ATG5: variants seen among roughly 807,000 people sequenced by gnomAD.
The protein encoded by ATG5 is autophagy related 5, also known as autophagy protein 5.
Under a neutral mutation model 36.5 loss-of-function variants are expected in ATG5, and 14 were observed. The observed-to-expected ratio is 0.38, with a 90% CI of 0.25 to 0.60. ATG5 has a LOEUF of 0.60. ATG5 is among the 20% of genes least tolerant of loss of function. The pLI is 0.60. For missense variants in ATG5, 195 were observed against 326.7 expected (o/e 0.60, Z 3.11); for synonymous variants, 95 against 101.5 (o/e 0.94, Z 0.38).
At chr6:106,211,600 C>A (rs1339950933) in intron 6 of ATG5, among the ~76,000 whole-genome samples, 2 of 152,158 alleles carry the variant, frequency 1.3e-5, no homozygotes, top group African/African-American at 4.8e-5. Context: ...GTCCCAGCTA[C>A]TCAGGAGGCT....
rs544089741 is a variant in ATG5 at position 106,319,728 on chromosome 6, C to T, written c.-58-3462G>A. 1.1e-4 allele frequency among the ~76,000 whole-genome samples: 17 copies of T among 152,302 alleles called. No homozygotes were observed. The East Asian group carries it at 3.1e-3, about 28-fold the overall frequency. On this transcript the variant is annotated intron_variant, in intron 1 of 7. Coordinates refer to ENST00000369076, the MANE Select transcript of ATG5 (RefSeq NM_004849.4). ...ATCAATAGTATTTATTTGTACGTCT[C>T]CTCCAGCAGACTGTAATAGATTCCG...
At chr6:106,237,389 T>C (rs1777943924) in intron 6 of ATG5, among the ~76,000 whole-genome samples, 1 of 152,124 alleles carries the variant, frequency 6.6e-6, no homozygotes, top group South Asian at 2.1e-4. Flanking sequence ...TTCATCTTCT[T>C]GCAAAAAAGA....
chr6:106,188,953 G>C (rs1489323708), intron 7 of ATG5, among the ~76,000 whole-genome samples: 2 of 152,122 alleles, frequency 1.3e-5, no homozygotes, highest in Admixed American at 6.5e-5. Flanking sequence ...TTTAAACAGA[G>C]GGATTCTTAG....
rs756853831 is a variant in ATG5 at position 106,293,036 on chromosome 6, G to A, written c.307C>T (p.His103Tyr). 6.2e-7 allele frequency: 1 copy of A among 1,612,466 alleles called. No homozygotes were observed. Among genetic ancestry groups the A allele is most frequent in the African/African-American group, 1.3e-5 (1 of 74,874 alleles). ...SSALPWNITV[H>Y]FKSFPEKDLL... Reference sequence around the variant, plus strand: ...AATGCAATTTACTATACCTTAAAATGTACTGTGATGTTCCAAGGAAGAGCT... The same window carrying A: ...AATGCAATTTACTATACCTTAAAATATACTGTGATGTTCCAAGGAAGAGCT... Residue 103 changes from histidine to tyrosine, a missense_variant, in exon 4 of 8, where the codon CAT becomes TAT. His to Tyr is a moderately conservative substitution (Grantham distance 83, BLOSUM62 2). Transcript: ENST00000369076.
chr6:106,230,374 A>G (rs1777630420), intron 6 of ATG5, among the ~76,000 whole-genome samples: 1 of 152,194 alleles, frequency 6.6e-6, no homozygotes, highest in African/African-American at 2.4e-5. Context: ...TCAGGAACTC[A>G]GCCTAGCTCT....
In ATG5 at chr6:106,272,228, C is replaced by T. The variant is rs985959540; in HGVS notation, c.478+7433G>A. 3.3e-5 allele frequency among the ~76,000 whole-genome samples: 5 copies of T among 152,226 alleles called. No homozygotes were observed. In the East Asian group the frequency reaches 9.6e-4, roughly 29 times the overall value. On this transcript the variant is annotated intron_variant, in intron 5 of 7. Transcript: ENST00000369076. Reference sequence around the variant, plus strand: ...AATTCCCATTTGCTTCTTTCTAATTCATTAACCATACTGCAGCCAAAGGGA... The same window carrying T: ...AATTCCCATTTGCTTCTTTCTAATTTATTAACCATACTGCAGCCAAAGGGA...
intron 3 of ATG5, among the ~76,000 whole-genome samples, chr6:106,299,314 C>A (rs1160707952): frequency 1.3e-5 from 2 of 152,068 alleles, no homozygotes; most frequent in Admixed American, 1.3e-4. Context: ...AGTTGTTATA[C>A]CATATTGGAC....
chr6:106,220,932 T>C (rs1336663282), intron 6 of ATG5, among the ~76,000 whole-genome samples: 1 of 152,188 alleles, frequency 6.6e-6, no homozygotes, highest in Non-Finnish European at 1.5e-5. Flanking sequence ...AATGCACTAA[T>C]GACATAAAGA....
intron 6 of ATG5, among the ~76,000 whole-genome samples, chr6:106,242,973 C>T (rs1778186682): frequency 6.6e-6 from 1 of 152,200 alleles, no homozygotes; most frequent in African/African-American, 2.4e-5. Context: ...ACTGTCCTCA[C>T]TTTTCAAAAT....
chr6:106,322,994 T>A lies in ATG5; in HGVS notation c.-59+2532A>T, dbSNP rs191330176. On this transcript the variant is annotated intron_variant, in intron 1 of 7. Coordinates refer to ENST00000369076, the MANE Select transcript of ATG5 (RefSeq NM_004849.4). ...GAGTGCAGTGGCGCAATCTCGGCTC[T>A]CTGCAAGCTCTGCCTCCCGGGTTCA... 6.1e-4 allele frequency among the ~76,000 whole-genome samples: 92 copies of A among 151,822 alleles called. No individual in the cohort carries two copies. In the East Asian group the frequency reaches 7.3e-3, roughly 12 times the overall value.
chr6:106,268,466 G>A (rs560900930), intron 5 of ATG5, among the ~76,000 whole-genome samples: 1 of 152,240 alleles, frequency 6.6e-6, no homozygotes, highest in Non-Finnish European at 1.5e-5. Context: ...GGAACAGTGT[G>A]GCAATTCCTC....
intron 7 of ATG5, among the ~76,000 whole-genome samples, chr6:106,194,582 AG>A (rs1270320014): frequency 1.3e-5 from 2 of 150,978 alleles, no homozygotes; most frequent in Non-Finnish European, 3.0e-5. Context: ...CTTGGTGCCC[AG>A]GCTAGACTGC....
At chr6:106,218,462 T>C (rs755292888) in intron 6 of ATG5, among the ~76,000 whole-genome samples, 19 of 152,158 alleles carry the variant, frequency 1.2e-4, no homozygotes, top group Admixed American at 3.3e-4. Context: ...AACTATTCAA[T>C]TGTATGTGAT....
intron 6 of ATG5, among the ~76,000 whole-genome samples, chr6:106,207,041 T>C (rs556683085): frequency 1.3e-5 from 2 of 152,332 alleles, no homozygotes; most frequent in African/African-American, 2.4e-5. Context: ...TGCCACATAT[T>C]TGTAAATATG....
chr6:106,253,704 T>C (rs1435724127), intron 5 of ATG5, among the ~76,000 whole-genome samples: 1 of 152,202 alleles, frequency 6.6e-6, no homozygotes, highest in African/African-American at 2.4e-5. Flanking sequence ...AGAAAGCTCT[T>C]TTAAAGTATA....
At chr6:106,283,933 T>C (rs1178948706) in intron 4 of ATG5, among the ~76,000 whole-genome samples, 1 of 152,258 alleles carries the variant, frequency 6.6e-6, no homozygotes, top group African/African-American at 2.4e-5. Context: ...ATGCATTATA[T>C]AATGTGCAGT....
In ATG5 at chr6:106,261,025, TA is replaced by T. The variant is rs546748329; in HGVS notation, c.479-12782del. Among the ~76,000 whole-genome samples, 9 of 152,304 alleles carry T rather than the reference TA, an allele frequency of 5.9e-5. No homozygotes were observed. In the South Asian group the frequency reaches 1.9e-3, roughly 32 times the overall value. On this transcript the variant is annotated intron_variant, in intron 5 of 7. Coordinates refer to ENST00000369076, the MANE Select transcript of ATG5 (RefSeq NM_004849.4). ...CAGCATTAACTACTGATTGTTGAGTTAAAATGTGTATCTAGCCATCCATACC... is the reference window on the plus strand; with the variant it reads ...CAGCATTAACTACTGATTGTTGAGTTAAATGTGTATCTAGCCATCCATACC...
At chr6:106,304,668 G>A (rs1770363924) in intron 3 of ATG5, among the ~76,000 whole-genome samples, 1 of 152,188 alleles carries the variant, frequency 6.6e-6, no homozygotes. Flanking sequence ...CTGTGAGTTG[G>A]GGGAAGGAAG....
Position 106,248,169 on chromosome 6 carries a change from A to G in ATG5, c.554T>C (p.Ile185Thr). The G allele has an allele frequency of 6.2e-7, 1 of 1,607,402 alleles. No individual in the cohort carries two copies. The highest frequency in any genetic ancestry group is 8.5e-7 in the Non-Finnish European group (1 of 1,174,098). ...TCCTACCTGATATATTCTAAAGGGG[A>G]TATAACGAAATCCATTTTCTTCTGC... ...YPAEENGFRY[I>T]PFRIYQTTTE... Residue 185 changes from isoleucine (I) to threonine (T), a missense_variant, in exon 6 of 8, where the codon ATC becomes ACC. Coordinates refer to ENST00000369076, the MANE Select transcript of ATG5 (RefSeq NM_004849.4).
Sources: gnomAD v4.1 joint callset for allele counts (sites outside exome capture counted in the v4.1 genomes callset) on GRCh38, gnomAD v4.1.1 for gene constraint, MANE v1.5 for transcripts, NCBI Gene and HGNC (gene_info 2026-07-23, HGNC 2026-07-21) for gene names.